The following CAMK4 variants were observed in gnomAD, a reference collection of about 807,000 sequenced individuals.
CAMK4 encodes the protein calcium/calmodulin dependent protein kinase IV.
A neutral mutation model predicts 44.9 loss-of-function variants in CAMK4; 22 were observed. The observed-to-expected ratio is 0.49, with a 90% CI of 0.35 to 0.70. The LOEUF is 0.70. CAMK4 is among the 30% of genes least tolerant of loss of function. CAMK4 has a pLI of 0.01. For missense variants in CAMK4, 498 were observed against 586.8 expected (o/e 0.85, Z 1.56); for synonymous variants, 218 against 215.4 (o/e 1.01, Z -0.11).
intron 5 of CAMK4, among the ~76,000 whole-genome samples, chr5:111,436,335 A>G (rs190305437): frequency 6.6e-5 from 10 of 152,342 alleles, no homozygotes; most frequent in Non-Finnish European, 1.2e-4. Context: ...ACTCTGACTT[A>G]GTATGTAGAG....
chr5:111,270,603 C>T (rs1243210059), intron 1 of CAMK4, among the ~76,000 whole-genome samples: 1 of 152,154 alleles, frequency 6.6e-6, no homozygotes, highest in Non-Finnish European at 1.5e-5. Flanking sequence ...TTTTTCTTAC[C>T]TATCAGCTTA....
intron 1 of CAMK4, among the ~76,000 whole-genome samples, chr5:111,266,737 A>G (rs1750264109): frequency 2.6e-5 from 4 of 152,248 alleles, no homozygotes; most frequent in Non-Finnish European, 5.9e-5. Context: ...TATAGATCTC[A>G]CTCAAATATT....
chr5:111,255,907 A>G (rs1455430676), intron 1 of CAMK4, among the ~76,000 whole-genome samples: 1 of 152,192 alleles, frequency 6.6e-6, no homozygotes, highest in Non-Finnish European at 1.5e-5. Flanking sequence ...TGTTATTGGA[A>G]ATTAACTGTT....
chr5:111,419,794 T>C (rs1298820654), intron 5 of CAMK4, among the ~76,000 whole-genome samples: 1 of 152,178 alleles, frequency 6.6e-6, no homozygotes, highest in African/African-American at 2.4e-5. Flanking sequence ...TTCTGTTCCA[T>C]TGATCTATAT....
At chr5:111,386,611 T>C (rs966471187) in intron 4 of CAMK4, among the ~76,000 whole-genome samples, 3 of 152,242 alleles carry the variant, frequency 2.0e-5, no homozygotes, top group African/African-American at 7.2e-5. Context: ...CAGAGTCATA[T>C]GTTACAGCAG....
At chr5:111,455,699 A>G (rs866031050) in intron 7 of CAMK4, among the ~76,000 whole-genome samples, 6 of 152,316 alleles carry the variant, frequency 3.9e-5, no homozygotes, top group Middle Eastern at 6.8e-3. Context: ...TGGGCTGGCC[A>G]TATTTGGCCC....
At chr5:111,283,710 T>C (rs180927420) in intron 1 of CAMK4, among the ~76,000 whole-genome samples, 5 of 152,350 alleles carry the variant, frequency 3.3e-5, no homozygotes, top group African/African-American at 1.2e-4. Context: ...AATAACCTTT[T>C]TTTTCATTCT....
intron 1 of CAMK4, among the ~76,000 whole-genome samples, chr5:111,284,580 C>T (rs1019216043): frequency 3.3e-5 from 5 of 152,194 alleles, no homozygotes; most frequent in African/African-American, 1.2e-4. Flanking sequence ...CTCTACCTCC[C>T]CACCTCCCTC....
chr5:111,434,300 A>G, intron 5 of CAMK4, among the ~76,000 whole-genome samples: 1 of 152,056 alleles, frequency 6.6e-6, no homozygotes, highest in East Asian at 1.9e-4. Flanking sequence ...TCAAAAAAAA[A>G]AAAAAAAATA....
At chr5:111,288,639 T>G (rs1466084011) in intron 1 of CAMK4, among the ~76,000 whole-genome samples, 3 of 152,250 alleles carry the variant, frequency 2.0e-5, no homozygotes, top group Non-Finnish European at 4.4e-5. Context: ...TGTTGATTTT[T>G]GAAAATACTT....
chr5:111,273,733 A>ACACACACACACGCT (rs1456429894), intron 1 of CAMK4, among the ~76,000 whole-genome samples: 1 of 130,732 alleles, frequency 7.6e-6, no homozygotes, highest in Non-Finnish European at 1.6e-5. Flanking sequence ...ACACATACAT[A>ACACACACACACGCT]CACACACACA....
At chr5:111,384,042 G>C (rs1038666377) in intron 4 of CAMK4, among the ~76,000 whole-genome samples, 2 of 152,122 alleles carry the variant, frequency 1.3e-5, no homozygotes, top group Non-Finnish European at 2.9e-5. Context: ...GTTCGGTCTT[G>C]ATAGCCTCTA....
intron 1 of CAMK4, among the ~76,000 whole-genome samples, chr5:111,318,205 A>T (rs370076022): frequency 2.0e-5 from 3 of 152,314 alleles, no homozygotes; most frequent in East Asian, 3.9e-4. Context: ...ACTAAGTAAT[A>T]GCCTGAAAAA....
At chr5:111,440,929 G>T (rs2112959383) in intron 5 of CAMK4, among the ~76,000 whole-genome samples, 1 of 152,280 alleles carries the variant, frequency 6.6e-6, no homozygotes, top group Non-Finnish European at 1.5e-5. Flanking sequence ...TTTACACATA[G>T]AATATCTACT....
At chr5:111,419,163 T>C (rs929563958) in intron 5 of CAMK4, among the ~76,000 whole-genome samples, 1 of 152,254 alleles carries the variant, frequency 6.6e-6, no homozygotes, top group Non-Finnish European at 1.5e-5. Flanking sequence ...TATCTCATTG[T>C]GGTTTTGATT....
intron 1 of CAMK4, among the ~76,000 whole-genome samples, chr5:111,323,287 A>AT (rs551335451): frequency 1.8e-4 from 28 of 152,056 alleles, no homozygotes; most frequent in East Asian, 5.8e-4. Context: ...TATACTTACG[A>AT]TTTTTTTTAC....
intron 7 of CAMK4, among the ~76,000 whole-genome samples, chr5:111,467,878 T>C (rs1292852816): frequency 6.7e-6 from 1 of 150,114 alleles, no homozygotes; most frequent in Non-Finnish European, 1.5e-5. Context: ...AAAGAAGTCA[T>C]GTGAAAAAGA....
intron 1 of CAMK4, among the ~76,000 whole-genome samples, chr5:111,311,952 A>C (rs534145129): frequency 6.6e-6 from 1 of 152,244 alleles, no homozygotes; most frequent in East Asian, 1.9e-4. Flanking sequence ...TATGTGTAGA[A>C]AACCAGATTA....
At chr5:111,360,717 T>C (rs1750558090) in intron 2 of CAMK4, among the ~76,000 whole-genome samples, 1 of 152,028 alleles carries the variant, frequency 6.6e-6, no homozygotes, top group Non-Finnish European at 1.5e-5. Flanking sequence ...TGGAGAAAGA[T>C]GCTGGGAAGG....
Sources: allele counts gnomAD v4.1 joint callset (sites outside exome capture counted in the v4.1 genomes callset), GRCh38; gene constraint gnomAD v4.1.1; transcripts MANE v1.5; gene names NCBI Gene and HGNC (gene_info 2026-07-23, HGNC 2026-07-21).